Variants in TTN observed in about 807,000 individuals in gnomAD.
The protein encoded by TTN is connectin.
TTN carries 1,525 observed loss-of-function variants against 3,223.0 expected under a neutral mutation model. The ratio of observed to expected loss-of-function variants is 0.47; its 90% CI spans 0.45 to 0.49. TTN has a LOEUF of 0.49. TTN is among the 20% of genes least tolerant of loss of function. The probability of loss-of-function intolerance (pLI) is 0.00; values close to 1 mark genes in which losing one functional copy is unlikely to be tolerated. For synonymous variants in TTN, 14,094 were observed against 15,161.0 expected, an observed-to-expected ratio of 0.93 and a Z score of 5.17; for missense variants, 40,786 against 43,424.0, an observed-to-expected ratio of 0.94 and a Z score of 5.40.
Position 178,532,639 on chromosome 2 carries a change from G to T in TTN, c.103976C>A (p.Ser34659Tyr), listed in dbSNP as rs776877902. ...RPRRRSLGDI[S>Y]DEELLLPIDD... is the part of the protein sequence containing the mutation. ...AATGGGGAGGAGTAATTCTTCATCA[G>T]AGATGTCCCCAAGAGAACGTCTTCT... The change falls in exon 358 of 363, where the codon TCT becomes TAT. Residue 34659 changes from serine to tyrosine, a missense_variant. Physicochemically the swap from Ser to Tyr is moderately radical, Grantham distance 144. Transcript: ENST00000589042. The T allele has an allele frequency of 1.2e-6, 2 of 1,613,920 alleles. No individual in the cohort carries two copies. Among genetic ancestry groups the T allele is most frequent in the Admixed American group, 3.3e-5 (2 of 60,018 alleles).
In TTN at chr2:178,528,535, T is replaced by C. The variant is rs771983508; in HGVS notation, c.107216A>G (p.Asn35739Ser). The C allele has an allele frequency of 6.2e-7, 1 of 1,602,936 alleles. No homozygotes were observed. Residue 35739 changes from asparagine to serine, a missense_variant, in exon 360 of 363, where the codon AAC becomes AGC. Transcript: ENST00000589042. Reference protein sequence around the residue: ...PSPEIEWFKNNLPISISSNVS... With the variant: ...PSPEIEWFKNSLPISISSNVS... The stretch of plus-strand genomic sequence containing the variant: ...ATTCATAATTAAACTTACTGGCAGG[T>C]TGTTTTTAAACCATTCGATTTCAGG...
At position 178,632,828 on chromosome 2, in the gene TTN, G is replaced by A. The variant is rs757166193; in HGVS notation, c.43214-36C>T. 13 of 1,612,538 alleles carry A rather than the reference G, an allele frequency of 8.1e-6. No homozygotes were observed. The Middle Eastern group carries it at 5.0e-4, about 62-fold the overall frequency. ...TGGACAGTGGATGAAGTCAGAATAC[G>A]TTTCCATTGATGACCCTTGATCAAT... On this transcript the variant is annotated intron_variant, in intron 234 of 362. Transcript: ENST00000589042.
chr2:178,581,919 AGCATAAGCG>A lies in TTN; in HGVS notation c.66441_66449del (p.Ala22148_Ala22150del). ...ATGAACACTTACACTGAGGGTCCCG[AGCATAAGCG>A]GCCTTGGATGCGTCACTGGGTTTGC... On this transcript the variant is annotated inframe_deletion, in exon 315 of 363. Transcript: ENST00000589042. The A allele has an allele frequency of 6.2e-7, 1 of 1,613,142 alleles. No individual in the cohort carries two copies. Among genetic ancestry groups the A allele is most frequent in the East Asian group, 2.2e-5 (1 of 44,692 alleles).
chr2:178,542,607 T>C (rs1374487340), intron 348 of TTN, 44 bp from the exon 349 acceptor site: 2 of 1,594,024 alleles, frequency 1.3e-6, no homozygotes, highest in African/African-American at 2.7e-5. Flanking sequence ...TTACTTCAAA[T>C]CAAAATTGGG....
At chr2:178,783,985 G>A (rs148535506) in intron 16 of TTN, 85 bp downstream of exon 16, 4 of 1,602,164 alleles carry the variant, frequency 2.5e-6, no homozygotes, top group Middle Eastern at 2.3e-4. Context: ...AGACTCCACT[G>A]GCTACTTTTC....
chr2:178,587,817 G>C lies in TTN; in HGVS notation c.63509-17C>G. 1 of 1,574,912 alleles carries C rather than the reference G, an allele frequency of 6.3e-7. No homozygotes were observed. The highest frequency in any genetic ancestry group is 1.2e-5 in the South Asian group (1 of 84,084). On this transcript the variant is annotated splice_polypyrimidine_tract_variant and intron_variant, in intron 305 of 362. Coordinates refer to ENST00000589042, the MANE Select transcript of TTN (RefSeq NM_001267550.2). Reference sequence around the variant, plus strand: ...CCGGAGGTTCTGCAAATGACATTAAGGTCATTAATTGATTTTTCAGAATGT... The same window carrying C: ...CCGGAGGTTCTGCAAATGACATTAACGTCATTAATTGATTTTTCAGAATGT...
At position 178,528,558 on chromosome 2, in the gene TTN, A is replaced by G. The variant is rs1196717526; in HGVS notation, c.107193T>C (p.Pro35731=). 6.2e-7 allele frequency: 1 copy of G among 1,610,578 alleles called. No individual in the cohort carries two copies. Among genetic ancestry groups the G allele is most frequent in the Non-Finnish European group, 8.5e-7 (1 of 1,177,804 alleles). Reference sequence around the variant, plus strand: ...GGTTGTTTTTAAACCATTCGATTTCAGGGGATGGCTCGCCACTGATTTCAC... The same window carrying G: ...GGTTGTTTTTAAACCATTCGATTTCGGGGGATGGCTCGCCACTGATTTCAC... ...FTCEISGEPS[P]EIEWFKNNLP... Residue 35731 remains proline (P), a synonymous_variant, in exon 360 of 363, where the codon CCT becomes CCC. Coordinates refer to ENST00000589042, the MANE Select transcript of TTN (RefSeq NM_001267550.2).
rs772347925 is a variant in TTN, at chr2:178,584,757, C to G, written c.64884G>C (p.Gln21628His). 1.2e-6 allele frequency: 2 copies of G among 1,613,502 alleles called. No individual in the cohort carries two copies. The highest frequency in any genetic ancestry group is 8.5e-7 in the Non-Finnish European group (1 of 1,179,582). ...CAGCACGGACCCGGAAGATGTACTC[C>G]TGGCCTGGGATCAGCTTTCCAACCC... The part of the protein sequence containing the change: ...SCRVGKLIPG[Q>H]EYIFRVRAEN... The change falls in exon 310 of 363, where the codon CAG becomes CAC. Residue 21628 changes from glutamine to histidine, a missense_variant. Physicochemically the swap from Gln to His is conservative, Grantham distance 24. Coordinates refer to ENST00000589042, the MANE Select transcript of TTN (RefSeq NM_001267550.2).
Position 178,582,436 on chromosome 2 carries a change from G to A in TTN, c.66020C>T (p.Ser22007Phe), listed in dbSNP as rs1433594102. 6.2e-7 allele frequency: 1 copy of A among 1,613,010 alleles called. No individual in the cohort carries two copies. Among genetic ancestry groups the A allele is most frequent in the Non-Finnish European group, 8.5e-7 (1 of 1,179,396 alleles). The change falls in exon 314 of 363, where the codon TCT becomes TTT. Residue 22007 changes from serine (S) to phenylalanine (F), a missense_variant. Coordinates refer to ENST00000589042, the MANE Select transcript of TTN (RefSeq NM_001267550.2). Reference sequence around the variant, plus strand: ...GCAGCTGGTGATAGGCACAGTTGCAGAGACTTGAGCCCAGTTGGGCCTGCT... The same window carrying A: ...GCAGCTGGTGATAGGCACAGTTGCAAAGACTTGAGCCCAGTTGGGCCTGCT... ...ETSRPNWAQV[S>F]ATVPITSCSV...
intron 49 of TTN, among the ~76,000 whole-genome samples, chr2:178,736,282 C>T (rs937017904): frequency 4.6e-5 from 7 of 152,128 alleles, no homozygotes; most frequent in Admixed American, 1.3e-4. Flanking sequence ...CATCACTTTA[C>T]TTGTCTCTAT....
rs776141268 is a variant in TTN at position 178,591,071 on chromosome 2, C to T, written c.60654G>A (p.Thr20218=). 119 of 1,613,230 alleles carry T rather than the reference C, an allele frequency of 7.4e-5. No individual in the cohort carries two copies. The highest frequency in any genetic ancestry group is 9.4e-5 in the African/African-American group (7 of 74,856). Residue 20218 remains threonine (T), a synonymous_variant, in exon 304 of 363, where the codon ACG becomes ACA. Transcript: ENST00000589042. ...IVEKQDTRKD[T]WGVVSSGSSK... is the part of the protein sequence containing the mutation. ...TGCTTCCGGAAGAGACAACACCCCA[C>T]GTGTCTTTCCTTGTATCTTGTTTCT...
chr2:178,552,635 C>G lies in TTN; in HGVS notation c.90265G>C (p.Glu30089Gln). The G allele has an allele frequency of 6.2e-7, 1 of 1,613,934 alleles. No individual in the cohort carries two copies. The highest frequency in any genetic ancestry group is 1.1e-5 in the South Asian group (1 of 91,084). The change falls in exon 335 of 363, where the codon GAG (glutamate) becomes CAG (glutamine). Residue 30089 changes from glutamate (E) to glutamine (Q), a missense_variant. Physicochemically the swap from Glu to Gln is conservative, Grantham distance 29. Transcript: ENST00000589042. ...HAGISKTCEI[E>Q]VSQLKEQSVL... Reference sequence around the variant, plus strand: ...GACTGCTCCTTAAGTTGGCTAACCTCAATTTCACATGTCTTACTTATGCCA... The same window carrying G: ...GACTGCTCCTTAAGTTGGCTAACCTGAATTTCACATGTCTTACTTATGCCA...
At chr2:178,676,051 A>G in intron 147 of TTN, 56 bp from the exon 148 acceptor site, 3 of 1,505,036 alleles carry the variant, frequency 2.0e-6, no homozygotes, top group Non-Finnish European at 2.7e-6. Flanking sequence ...AAAAAGAGAA[A>G]CCAAGAAGAC....
At chr2:178,755,422 C>A (rs1296226873) in intron 46 of TTN, among the ~76,000 whole-genome samples, 1 of 151,972 alleles carries the variant, frequency 6.6e-6, no homozygotes, top group Non-Finnish European at 1.5e-5. Flanking sequence ...ATTTTCAGTG[C>A]CCAATTTTCA....
intron 44 of TTN, chr2:178,758,780 A>G: frequency 1.6e-6 from 1 of 613,280 alleles, no homozygotes; most frequent in Admixed American, 2.7e-5. Context: ...AGCGGGGCCA[A>G]ATGAAACGTG....
In TTN at chr2:178,583,434, T is replaced by C. The variant is rs1047329424; in HGVS notation, c.65575+173A>G. The stretch of plus-strand genomic sequence containing the variant: ...AGTTGCCACAGTTGTGTATCTTGCT[T>C]TTTAATTTAGCATGTTATTATGATT... On this transcript the variant is annotated intron_variant, in intron 312 of 362. Coordinates refer to ENST00000589042, the MANE Select transcript of TTN (RefSeq NM_001267550.2). The C allele has an allele frequency of 3.4e-6, 3 of 869,864 alleles. No individual in the cohort carries two copies. In the African/African-American group the frequency reaches 5.1e-5, roughly 15 times the overall value. 53.9% of individuals were successfully genotyped at this position (869,864 alleles called of 1,614,324 possible). A position where few individuals can be genotyped will look rare whatever the true frequency, so the allele number is the denominator to read the frequency against.
Position 178,723,062 on chromosome 2 carries a change from A to C in TTN, c.21945T>G (p.Ala7315=). 1 of 1,613,568 alleles carries C rather than the reference A, an allele frequency of 6.2e-7. No individual in the cohort carries two copies. Among genetic ancestry groups the C allele is most frequent in the Non-Finnish European group, 8.5e-7 (1 of 1,179,632 alleles). ...ENEAGRDVCG[A]LVSTLEPPYF... ...ACAACACACCTAATGTAGATACCAG[A>C]GCTCCACAAACATCCCTTCCTGCCT... Residue 7315 remains alanine, a synonymous_variant, in exon 75 of 363, where the codon GCT becomes GCG. Transcript: ENST00000589042.
chr2:178,784,131 C>T lies in TTN; in HGVS notation c.2714G>A (p.Ser905Asn). Residue 905 changes from serine (S) to asparagine (N), a missense_variant, in exon 16 of 363, where the codon AGC (serine) becomes AAC (asparagine). Coordinates refer to ENST00000589042, the MANE Select transcript of TTN (RefSeq NM_001267550.2). Reference sequence around the variant, plus strand: ...TTCACGGACGGTGGTGCCAGTGATGCTCACCCCTACTTCCTTTTTCACCTC... The same window carrying T: ...TTCACGGACGGTGGTGCCAGTGATGTTCACCCCTACTTCCTTTTTCACCTC... ...GVEVKKEVGV[S>N]ITGTTVREER... is the part of the protein sequence containing the mutation. 6.2e-7 allele frequency: 1 copy of T among 1,614,072 alleles called. No individual in the cohort carries two copies. The highest frequency in any genetic ancestry group is 2.2e-5 in the East Asian group (1 of 44,866).
chr2:178,744,911 A>G, intron 47 of TTN: 1 of 985,258 alleles, frequency 1.0e-6, no homozygotes. Flanking sequence ...GCCCACAAAG[A>G]GCACAATTGG....
Sources: gnomAD v4.1 joint callset for allele counts (sites outside exome capture counted in the v4.1 genomes callset) on GRCh38, gnomAD v4.1.1 for gene constraint, MANE v1.5 for transcripts, NCBI Gene and HGNC (gene_info 2026-07-23, HGNC 2026-07-21) for gene names.